Variants in FBXL4 observed in about 807,000 individuals in gnomAD.
The protein encoded by FBXL4 is F-box/LRR-repeat protein 4.
Under a neutral mutation model 58.9 loss-of-function variants are expected in FBXL4, and 40 were observed. That is an observed-to-expected ratio of 0.68 (90% CI 0.53 to 0.88). FBXL4 has a LOEUF of 0.88. FBXL4 is among the 40% of genes least tolerant of loss of function. The probability of loss-of-function intolerance (pLI) is 0.00; values close to 1 mark genes in which losing one functional copy is unlikely to be tolerated. For synonymous variants in FBXL4, 263 were observed against 265.5 expected (o/e 0.99, Z 0.09); for missense variants, 676 against 734.4 (o/e 0.92, Z 0.92).
intron 4 of FBXL4, among the ~76,000 whole-genome samples, chr6:98,919,245 A>G (rs1416885667): frequency 6.6e-6 from 1 of 152,188 alleles, no homozygotes; most frequent in Admixed American, 6.5e-5. Context: ...AGGAATTCTA[A>G]TAAACATATC....
intron 7 of FBXL4, among the ~76,000 whole-genome samples, chr6:98,890,807 T>C (rs912803862): frequency 4.6e-5 from 7 of 152,012 alleles, no homozygotes; most frequent in African/African-American, 1.7e-4. Context: ...TAGTCCCAGC[T>C]ACTCGGGAGG....
intron 4 of FBXL4, among the ~76,000 whole-genome samples, chr6:98,925,938 G>A (rs375565229): frequency 2.1e-4 from 32 of 152,226 alleles, no homozygotes; most frequent in Admixed American, 3.3e-4. Flanking sequence ...TGACAAAAAC[G>A]ACAGCCAAGG....
chr6:98,926,555 G>C lies in FBXL4; in HGVS notation c.434C>G (p.Thr145Ser), dbSNP rs755971635. The C allele has an allele frequency of 2.5e-5, 40 of 1,614,012 alleles. No individual in the cohort carries two copies. The highest frequency in any genetic ancestry group is 3.2e-5 in the Non-Finnish European group (38 of 1,180,010). The stretch of plus-strand genomic sequence containing the variant: ...TCTAATGACTGCTCCGGGATGATAG[G>C]TTTCTAGAACATGTACAGCTGTAGG... ...VYPTAVHVLETYHPGAVIRIL... is the reference protein window; with the variant it reads ...VYPTAVHVLESYHPGAVIRIL... The change falls in exon 4 of 10, where the codon ACC (threonine) becomes AGC (serine). Residue 145 changes from threonine to serine, a missense_variant. Transcript: ENST00000369244.
At chr6:98,914,728 A>T (rs1399979314) in intron 5 of FBXL4, among the ~76,000 whole-genome samples, 2 of 152,200 alleles carry the variant, frequency 1.3e-5, no homozygotes, top group African/African-American at 4.8e-5. Flanking sequence ...AATGCGCAAA[A>T]ACTGGAAGCA....
chr6:98,930,431 A>C (rs538157787), intron 2 of FBXL4, among the ~76,000 whole-genome samples: 1 of 152,334 alleles, frequency 6.6e-6, no homozygotes, highest in East Asian at 1.9e-4. Flanking sequence ...AAACAAACAA[A>C]TAAATAAATA....
At chr6:98,900,961 A>T (rs1025768391) in intron 6 of FBXL4, among the ~76,000 whole-genome samples, 2 of 152,120 alleles carry the variant, frequency 1.3e-5, no homozygotes, top group African/African-American at 2.4e-5. Context: ...ACTGCAGTCT[A>T]CATGAAGCAC....
intron 8 of FBXL4, 95 bp downstream of exon 8, chr6:98,880,456 GGT>G (rs1770811811): frequency 2.2e-6 from 2 of 912,148 alleles, no homozygotes; most frequent in Admixed American, 1.9e-5. Flanking sequence ...AAAAACTGTG[GGT>G]GTGTGTGGGG....
intron 8 of FBXL4, 132 bp from the exon 9 acceptor site, chr6:98,875,859 G>A (rs898546777): frequency 1.8e-5 from 15 of 855,466 alleles, no homozygotes; most frequent in Non-Finnish European, 2.4e-5. Flanking sequence ...TGTTAATACA[G>A]ATCTGCCCAC....
intron 7 of FBXL4, among the ~76,000 whole-genome samples, chr6:98,891,444 T>A (rs1771221960): frequency 6.6e-6 from 1 of 152,216 alleles, no homozygotes; most frequent in Non-Finnish European, 1.5e-5. Context: ...CACACACCTT[T>A]GCCTTGCCCT....
chr6:98,946,612 T>C (rs1773628554), intron 1 of FBXL4, among the ~76,000 whole-genome samples: 1 of 152,214 alleles, frequency 6.6e-6, no homozygotes, highest in South Asian at 2.1e-4. Context: ...AAAGAAATTA[T>C]CCATCTTACA....
Position 98,874,200 on chromosome 6 carries a change from T to C in FBXL4, c.*78A>G. 1 of 1,198,134 alleles carries C rather than the reference T, an allele frequency of 8.3e-7. No individual in the cohort carries two copies. The highest frequency in any genetic ancestry group is 1.1e-6 in the Non-Finnish European group (1 of 886,524). The allele number at this position is 1,198,134 out of a possible 1,614,324, so 74.2% of individuals were successfully genotyped here. A position where few individuals can be genotyped will look rare whatever the true frequency, so the allele number is the denominator to read the frequency against. ...TCTTAATTCTTACCATTAAAACAACTAAAAACAAAACCCAAAACCAATCCC... is the reference window on the plus strand; with the variant it reads ...TCTTAATTCTTACCATTAAAACAACCAAAAACAAAACCCAAAACCAATCCC... On this transcript the variant is annotated 3_prime_UTR_variant, in exon 10 of 10. Transcript: ENST00000369244.
At chr6:98,894,789 TG>T (rs977631328) in intron 7 of FBXL4, among the ~76,000 whole-genome samples, 9 of 152,236 alleles carry the variant, frequency 5.9e-5, no homozygotes, top group African/African-American at 2.2e-4. Context: ...ATAAGACATT[TG>T]TTATTTCTCT....
rs565954167 is a variant in FBXL4, at chr6:98,896,533, G to A, written c.1317+2735C>T. On this transcript the variant is annotated intron_variant, in intron 7 of 9. Transcript: ENST00000369244. ...TTCGGAGGCATTAAAAGTAAACACT[G>A]CCTGGGTAAGATTTTCTAAATTTCA... Among the ~76,000 whole-genome samples the A allele has an allele frequency of 2.0e-5, 3 of 152,258 alleles. No individual in the cohort carries two copies. The South Asian group carries it at 6.2e-4, about 32-fold the overall frequency.
chr6:98,875,321 C>A, intron 9 of FBXL4, 94 bp downstream of exon 9: 1 of 1,201,892 alleles, frequency 8.3e-7, no homozygotes. Flanking sequence ...TTTATTGTAT[C>A]CAAAAATTTT....
intron 4 of FBXL4, among the ~76,000 whole-genome samples, chr6:98,924,071 A>G (rs1296458966): frequency 1.3e-5 from 2 of 152,222 alleles, no homozygotes; most frequent in African/African-American, 4.8e-5. Context: ...TCACAACCAT[A>G]TACCAGTAAC....
intron 6 of FBXL4, among the ~76,000 whole-genome samples, chr6:98,902,727 C>A (rs1771660386): frequency 6.6e-6 from 1 of 151,964 alleles, no homozygotes; most frequent in South Asian, 2.1e-4. Context: ...GCTTTTTGAA[C>A]AGAATGATAC....
chr6:98,929,829 C>G (rs1238409891), intron 2 of FBXL4, among the ~76,000 whole-genome samples: 1 of 152,076 alleles, frequency 6.6e-6, no homozygotes, highest in Non-Finnish European at 1.5e-5. Context: ...GCTTACTGGC[C>G]AGGAAACCCA....
chr6:98,941,242 A>C (rs1773422063), intron 1 of FBXL4, among the ~76,000 whole-genome samples: 1 of 152,196 alleles, frequency 6.6e-6, no homozygotes, highest in South Asian at 2.1e-4. Flanking sequence ...AAAAAAAGAA[A>C]GAACCACCAA....
At chr6:98,894,258 T>C (rs1771335685) in intron 7 of FBXL4, among the ~76,000 whole-genome samples, 1 of 152,210 alleles carries the variant, frequency 6.6e-6, no homozygotes, top group Admixed American at 6.5e-5. Context: ...TTATCGTACC[T>C]AATAAGAATC....
Sources: gnomAD v4.1 joint callset for allele counts (sites outside exome capture counted in the v4.1 genomes callset) on GRCh38, gnomAD v4.1.1 for gene constraint, MANE v1.5 for transcripts, NCBI Gene and HGNC (gene_info 2026-07-23, HGNC 2026-07-21) for gene names.